The following WHRN variants were observed in gnomAD, a reference collection of about 807,000 sequenced individuals.
The protein encoded by WHRN is CASK-interacting protein CIP98.
In WHRN, 41 loss-of-function variants were observed where a neutral mutation model predicts 68.3. The observed-to-expected ratio is 0.60, with a 90% CI of 0.47 to 0.78. The LOEUF is 0.78. WHRN is among the 30% of genes least tolerant of loss of function. WHRN has a pLI of 0.00. For synonymous variants in WHRN, 560 were observed against 561.3 expected (o/e 1.00, Z 0.03); for missense variants, 1,243 against 1,244.7 (o/e 1.00, Z 0.02).
intron 2 of WHRN, among the ~76,000 whole-genome samples, chr9:114,468,162 CAAT>C (rs1361175039): frequency 6.6e-6 from 1 of 152,062 alleles, no homozygotes; most frequent in East Asian, 1.9e-4. Flanking sequence ...AAAATGAGGA[CAAT>C]AATATCTGCC....
intron 1 of WHRN, among the ~76,000 whole-genome samples, chr9:114,502,406 G>C (rs1450363170): frequency 6.6e-6 from 1 of 152,148 alleles, no homozygotes; most frequent in African/African-American, 2.4e-5. Flanking sequence ...TTTTACTCTG[G>C]AAGCAGCAAG....
At chr9:114,451,079 T>C (rs1839289843) in intron 3 of WHRN, among the ~76,000 whole-genome samples, 1 of 152,194 alleles carries the variant, frequency 6.6e-6, no homozygotes, top group Non-Finnish European at 1.5e-5. Flanking sequence ...ACAGGCGCAC[T>C]AATGAAATGG....
At chr9:114,460,642 T>C (rs1840169820) in intron 3 of WHRN, among the ~76,000 whole-genome samples, 1 of 152,160 alleles carries the variant, frequency 6.6e-6, no homozygotes, top group African/African-American at 2.4e-5. Flanking sequence ...CCATGGGGCC[T>C]TCCCAGGGCA....
chr9:114,472,810 C>CTTAT lies in WHRN; in HGVS notation c.837+5742_837+5743insATAA. On this transcript the variant is annotated intron_variant, in intron 2 of 11. Transcript: ENST00000362057. ...TGTTGCTGGAATTCATTACTATGTC[C>CTTAT]AGGCACTGTGCTCTGTGCTTATAAG... is the stretch of plus-strand genomic sequence containing the variant. Among the ~76,000 whole-genome samples the CTTAT allele has an allele frequency of 2.0e-5, 3 of 152,284 alleles. 1 individual carries two copies. The South Asian group carries it at 6.2e-4, about 32-fold the overall frequency.
At position 114,466,343 on chromosome 9, in the gene WHRN, C is replaced by A; in HGVS notation, c.887G>T (p.Gly296Val). 1 of 1,614,156 alleles carries A rather than the reference C, an allele frequency of 6.2e-7. No individual in the cohort carries two copies. The highest frequency in any genetic ancestry group is 8.5e-7 in the Non-Finnish European group (1 of 1,180,034). The change falls in exon 3 of 12, where the codon GGG (glycine) becomes GTG (valine). Residue 296 changes from glycine (G) to valine (V), a missense_variant. By Grantham distance (109) the Gly-to-Val change is moderately radical. Transcript: ENST00000362057. Reference sequence around the variant, plus strand: ...AATGCCAAGGCCGTACTCAGCTCCCCCACGGATCGTGAGGCCCAGGGACCG... The same window carrying A: ...AATGCCAAGGCCGTACTCAGCTCCCACACGGATCGTGAGGCCCAGGGACCG... ...DGRSLGLTIRGGAEYGLGIYI... is the reference protein window; with the variant it reads ...DGRSLGLTIRVGAEYGLGIYI...
intron 7 of WHRN, among the ~76,000 whole-genome samples, chr9:114,414,160 G>A (rs73656102): frequency 0.028 from 4,199 of 152,238 alleles, 212 homozygotes; most frequent in African/African-American, 0.096. Flanking sequence ...CAGAGGAACT[G>A]GTCATGGTCA....
At chr9:114,449,611 TCATAA>T (rs775166490) in intron 3 of WHRN, among the ~76,000 whole-genome samples, 1 of 152,124 alleles carries the variant, frequency 6.6e-6, no homozygotes, top group Non-Finnish European at 1.5e-5. Flanking sequence ...TAAGAGAGTA[TCATAA>T]GGAAGGACTG....
intron 2 of WHRN, among the ~76,000 whole-genome samples, chr9:114,472,997 C>G (rs557857289): frequency 6.6e-6 from 1 of 152,316 alleles, no homozygotes; most frequent in South Asian, 2.1e-4. Context: ...GCTGCTGAGC[C>G]CAAAGCCCCT....
Position 114,424,994 on chromosome 9 carries a change from T to C in WHRN, c.1197A>G (p.Ile399Met). The change falls in exon 5 of 12, where the codon ATA becomes ATG. Residue 399 changes from isoleucine to methionine, a missense_variant. Physicochemically the swap from Ile to Met is conservative, Grantham distance 10 (BLOSUM62 1). Coordinates refer to ENST00000362057, the MANE Select transcript of WHRN (RefSeq NM_015404.4). ...CCCTTAGAGGATGTCCTACCTTGTT[T>C]ATTCCTTCTGTTGTGAGATCGCCAA... is the stretch of plus-strand genomic sequence containing the variant. Reference protein sequence around the residue: ...GFLGDLTTEGINKPGFYKGPA... With the variant: ...GFLGDLTTEGMNKPGFYKGPA... The C allele has an allele frequency of 6.2e-7, 1 of 1,614,206 alleles. No homozygotes were observed.
intron 1 of WHRN, chr9:114,503,083 C>A: frequency 1.0e-6 from 1 of 972,686 alleles, no homozygotes; most frequent in South Asian, 4.7e-5. Context: ...AGGTGCACAG[C>A]CAGGGAGACG....
At chr9:114,427,404 G>A (rs1273725580) in intron 3 of WHRN, among the ~76,000 whole-genome samples, 1 of 152,194 alleles carries the variant, frequency 6.6e-6, no homozygotes, top group Non-Finnish European at 1.5e-5. Flanking sequence ...CTTTAAACTC[G>A]GGGTTCCTTT....
intron 3 of WHRN, among the ~76,000 whole-genome samples, chr9:114,436,525 G>A (rs1323211879): frequency 3.3e-5 from 5 of 152,076 alleles, no homozygotes; most frequent in Non-Finnish European, 5.9e-5. Flanking sequence ...ACCTAAAGCT[G>A]CTCTAAAAAA....
At chr9:114,464,062 T>C (rs1840459940) in intron 3 of WHRN, among the ~76,000 whole-genome samples, 1 of 152,194 alleles carries the variant, frequency 6.6e-6, no homozygotes, top group African/African-American at 2.4e-5. Flanking sequence ...CATGCCTGTA[T>C]CTAAACACCA....
intron 3 of WHRN, among the ~76,000 whole-genome samples, chr9:114,436,554 C>A (rs972976293): frequency 6.6e-6 from 1 of 152,132 alleles, no homozygotes; most frequent in Admixed American, 6.5e-5. Flanking sequence ...ATTGGTCCGG[C>A]GCAGTGGCTC....
At chr9:114,425,541 T>C (rs1048192986) in intron 4 of WHRN, 18 of 274,110 alleles carry the variant, frequency 6.6e-5, no homozygotes, top group African/African-American at 3.1e-4. Flanking sequence ...GCAAGTAACT[T>C]TGAAAATGTT....
intron 7 of WHRN, among the ~76,000 whole-genome samples, chr9:114,409,906 C>CA (rs1389375509): frequency 6.6e-6 from 1 of 152,010 alleles, no homozygotes; most frequent in Non-Finnish European, 1.5e-5. Flanking sequence ...GCCAGAAACA[C>CA]ATGTCAGGTC....
intron 6 of WHRN, 63 bp downstream of exon 6, chr9:114,424,271 G>C (rs1197824016): frequency 6.4e-7 from 1 of 1,571,606 alleles, no homozygotes; most frequent in East Asian, 2.2e-5. Flanking sequence ...AAGGAGCGGG[G>C]GCAGGGCAGG....
Position 114,438,742 on chromosome 9 carries a change from C to T in WHRN, c.964-12329G>A, listed in dbSNP as rs78066780. Among the ~76,000 whole-genome samples, 1,254 of 152,234 alleles carry T rather than the reference C, an allele frequency of 8.2e-3. 13 individuals are homozygous for T. Among genetic ancestry groups the T allele is most frequent in the East Asian group, 0.051 (266 of 5,172 alleles). On this transcript the variant is annotated intron_variant, in intron 3 of 11. Transcript: ENST00000362057. ...CTGGGATTACAGGCATGAGCCACCGCGCCTGGCTAACGGAATCCCACTTTC... is the reference window on the plus strand; with the variant it reads ...CTGGGATTACAGGCATGAGCCACCGTGCCTGGCTAACGGAATCCCACTTTC...
At chr9:114,465,901 G>A (rs905087398) in intron 3 of WHRN, among the ~76,000 whole-genome samples, 7 of 152,290 alleles carry the variant, frequency 4.6e-5, no homozygotes, top group Middle Eastern at 3.4e-3. Flanking sequence ...AATAACTGCT[G>A]GTTGTCTGGA....
Sources: allele counts gnomAD v4.1 joint callset (sites outside exome capture counted in the v4.1 genomes callset), GRCh38; gene constraint gnomAD v4.1.1; transcripts MANE v1.5; gene names NCBI Gene and HGNC (gene_info 2026-07-23, HGNC 2026-07-21).